The following TMEM74 variants were observed in gnomAD, a reference collection of about 807,000 sequenced individuals.
The protein encoded by TMEM74 is transmembrane protein 74.
TMEM74 carries 13 observed loss-of-function variants against 18.1 expected under a neutral mutation model. That is an observed-to-expected ratio of 0.72 (90% CI 0.47 to 1.14). The LOEUF is 1.14. Among genes scored for constraint, TMEM74 ranks in the 50% most tolerant of loss-of-function variants. The pLI is 0.00. For synonymous variants in TMEM74, 159 were observed against 146.6 expected (o/e 1.08, Z -0.61); for missense variants, 372 against 375.9 (o/e 0.99, Z 0.09).
At chr8:108,668,531 GC>G (rs1812971584) in intron 1 of TMEM74, among the ~76,000 whole-genome samples, 1 of 152,030 alleles carries the variant, frequency 6.6e-6, no homozygotes, top group Non-Finnish European at 1.5e-5. Flanking sequence ...GTGTCTACTG[GC>G]CCTGTGAGAT....
At chr8:108,614,260 A>G (rs1812362136) in intron 2 of TMEM74, among the ~76,000 whole-genome samples, 6 of 152,052 alleles carry the variant, frequency 3.9e-5, no homozygotes, top group Admixed American at 2.6e-4. Context: ...CTTCTTTTTT[A>G]TGCTTTAGCC....
chr8:108,776,941 A>G (rs569901336), downstream of TMEM74, among the ~76,000 whole-genome samples: 1 of 152,348 alleles, frequency 6.6e-6, no homozygotes, highest in Admixed American at 6.5e-5. Context: ...GATAATCAAC[A>G]TGAACATATA....
downstream of TMEM74, among the ~76,000 whole-genome samples, chr8:108,778,928 C>A (rs1243169770): frequency 6.6e-6 from 1 of 152,046 alleles, no homozygotes; most frequent in Non-Finnish European, 1.5e-5. Context: ...AAGGCACAGT[C>A]TACATTATAT....
At chr8:108,629,150 G>A (rs1812525491) in intron 2 of TMEM74, among the ~76,000 whole-genome samples, 1 of 151,902 alleles carries the variant, frequency 6.6e-6, no homozygotes, top group African/African-American at 2.4e-5. Flanking sequence ...TGACCTGATG[G>A]AGCTGAAAAA....
rs1250122766 is a variant in TMEM74 at position 108,718,171 on chromosome 8, G to A, written n.120-62734C>T. 2.7e-5 allele frequency among the ~76,000 whole-genome samples: 2 copies of A among 74,116 alleles called. 1 individual carries two copies. Among genetic ancestry groups the A allele is most frequent in the Non-Finnish European group, 4.4e-5 (2 of 45,730 alleles). The allele number at this position is 74,116 out of a possible 152,430, so 48.6% of individuals were successfully genotyped here. A position where few individuals can be genotyped will look rare whatever the true frequency, so the allele number is the denominator to read the frequency against. On this transcript the variant is annotated intron_variant and non_coding_transcript_variant, in intron 1 of 3. Coordinates refer to the TMEM74 transcript ENST00000518838. The stretch of plus-strand genomic sequence containing the variant: ...GACGGGGTTTCACCATTTTAGCCGG[G>A]ATGGTCTCGATCTCCTGACCTCGTG...
intron 3 of TMEM74, among the ~76,000 whole-genome samples, chr8:108,608,286 G>C (rs56038479): frequency 0.02 from 2,609 of 133,410 alleles, 80 homozygotes; most frequent in African/African-American, 0.069. Context: ...TGGTGACAGA[G>C]CAAGACTCTG....
At chr8:108,735,992 T>C (rs1357008184) in intron 1 of TMEM74, among the ~76,000 whole-genome samples, 2 of 152,170 alleles carry the variant, frequency 1.3e-5, no homozygotes, top group East Asian at 3.8e-4. Context: ...CCTTCTTTTT[T>C]TTTTCTGTTG....
At chr8:108,768,247 T>C (rs908148432) in intron 1 of TMEM74, among the ~76,000 whole-genome samples, 4 of 152,186 alleles carry the variant, frequency 2.6e-5, no homozygotes, top group Non-Finnish European at 5.9e-5. Context: ...TTTCCTTCAC[T>C]GCTCCACCCC....
At chr8:108,720,111 CACAA>C (rs1813571388) in intron 1 of TMEM74, among the ~76,000 whole-genome samples, 1 of 151,810 alleles carries the variant, frequency 6.6e-6, no homozygotes, top group Non-Finnish European at 1.5e-5. Context: ...ATCTGACTTC[CACAA>C]ACAGACAAGG....
At chr8:108,639,377 C>T (rs531237392) in intron 2 of TMEM74, among the ~76,000 whole-genome samples, 3 of 152,204 alleles carry the variant, frequency 2.0e-5, no homozygotes, top group Non-Finnish European at 2.9e-5. Context: ...AATCAAACTA[C>T]AATTTGGTGA....
intron 2 of TMEM74, among the ~76,000 whole-genome samples, chr8:108,645,583 T>C (rs532052042): frequency 6.6e-6 from 1 of 152,226 alleles, no homozygotes; most frequent in East Asian, 1.9e-4. Flanking sequence ...TTCATGATCA[T>C]GTACTAGAGA....
chr8:108,657,903 T>TA (rs1563742380), intron 1 of TMEM74, among the ~76,000 whole-genome samples: 43 of 113,914 alleles, frequency 3.8e-4, no homozygotes, highest in South Asian at 8.2e-4. Flanking sequence ...TATATATATA[T>TA]TAATTACATA....
At chr8:108,786,574 G>T (rs1045178597) in intron 1 of TMEM74, among the ~76,000 whole-genome samples, 13 of 152,144 alleles carry the variant, frequency 8.5e-5, no homozygotes, top group African/African-American at 2.7e-4. Flanking sequence ...AAGCAAAACA[G>T]AAAACGTTTT....
chr8:108,633,308 A>C (rs1011075158), intron 2 of TMEM74, among the ~76,000 whole-genome samples: 1 of 151,996 alleles, frequency 6.6e-6, no homozygotes, highest in African/African-American at 2.4e-5. Flanking sequence ...AAGAACCATC[A>C]CTGGCTCAGG....
intron 1 of TMEM74, among the ~76,000 whole-genome samples, chr8:108,756,695 A>AGAAG (rs1189789597): frequency 0.035 from 2,952 of 84,324 alleles, 177 homozygotes; most frequent in East Asian, 0.057. Flanking sequence ...AAAGAAAGAA[A>AGAAG]GAAGGAAGGA....
intron 1 of TMEM74, among the ~76,000 whole-genome samples, chr8:108,665,027 T>C (rs1377085067): frequency 1.3e-5 from 2 of 151,814 alleles, no homozygotes; most frequent in Non-Finnish European, 1.5e-5. Flanking sequence ...TTTTTTTTGA[T>C]AAACTATACC....
chr8:108,717,169 C>A lies in TMEM74; in HGVS notation n.120-61732G>T, dbSNP rs368612985. ...ACTTATATTTAATGCAAATAAGTAT[C>A]CTAAATAATTACAAGCATGCTAAAT... On this transcript the variant is annotated intron_variant and non_coding_transcript_variant, in intron 1 of 3. Coordinates refer to the TMEM74 transcript ENST00000518838. 3.0e-4 allele frequency among the ~76,000 whole-genome samples: 45 copies of A among 151,796 alleles called. 1 individual carries two copies. In the South Asian group the frequency reaches 4.6e-3, roughly 15 times the overall value.
At chr8:108,728,988 T>C (rs1413329511) in intron 1 of TMEM74, among the ~76,000 whole-genome samples, 2 of 152,236 alleles carry the variant, frequency 1.3e-5, no homozygotes, top group Admixed American at 6.5e-5. Flanking sequence ...TGTATCATTG[T>C]ATTAACTTTC....
chr8:108,702,220 T>G (rs1813342911), intron 1 of TMEM74, among the ~76,000 whole-genome samples: 1 of 151,668 alleles, frequency 6.6e-6, no homozygotes, highest in Non-Finnish European at 1.5e-5. Context: ...GGTGGGCACC[T>G]GTAATCCCAG....
Sources: gnomAD v4.1 joint callset for allele counts (sites outside exome capture counted in the v4.1 genomes callset) on GRCh38, gnomAD v4.1.1 for gene constraint, MANE v1.5 for transcripts, NCBI Gene and HGNC (gene_info 2026-07-23, HGNC 2026-07-21) for gene names.